ARB2A: variants seen among roughly 807,000 people sequenced by gnomAD.
ARB2A encodes the protein ARB2 cotranscriptional regulator A, also known as cotranscriptional regulator ARB2A.
At chr5:94,109,779 C>T in the ARB2A span, among the ~76,000 whole-genome samples, 61 of 152,236 alleles carry the variant, frequency 4.0e-4, 1 homozygote, top group African/African-American at 1.4e-3. Context: ...CAGATCTCCA[C>T]TCAAGTGTTC....
the ARB2A span, among the ~76,000 whole-genome samples, chr5:94,053,650 TA>T: frequency 2.0e-5 from 3 of 152,228 alleles, no homozygotes; most frequent in African/African-American, 4.8e-5. Context: ...ATTCCATTTT[TA>T]GGGGGAAAAC....
At chr5:93,936,261 T>C in the ARB2A span, among the ~76,000 whole-genome samples, 3 of 152,180 alleles carry the variant, frequency 2.0e-5, no homozygotes, top group Admixed American at 6.5e-5. Context: ...TCTAAGTGGG[T>C]ATATCCTCTC....
At chr5:93,683,833 G>T in the ARB2A span, among the ~76,000 whole-genome samples, 1 of 151,986 alleles carries the variant, frequency 6.6e-6, no homozygotes, top group Non-Finnish European at 1.5e-5. Flanking sequence ...TTTTTTTAAA[G>T]ATATATATTT....
the ARB2A span, chr5:93,863,483 G>A: frequency 2.0e-5 from 3 of 151,810 alleles, no homozygotes; most frequent in Admixed American, 2.0e-4. Context: ...TGCCCAGGCT[G>A]TTCTTGAGCT....
chr5:93,703,395 A>G, the ARB2A span, among the ~76,000 whole-genome samples: 2 of 152,246 alleles, frequency 1.3e-5, no homozygotes, highest in East Asian at 3.8e-4. Flanking sequence ...AACACCCACT[A>G]TAAAGGTAAG....
the ARB2A span, among the ~76,000 whole-genome samples, chr5:93,688,978 C>G: frequency 1.3e-5 from 2 of 152,190 alleles, no homozygotes; most frequent in African/African-American, 4.8e-5. Context: ...AGACTGTTCA[C>G]TGAAAAATTC....
the ARB2A span, among the ~76,000 whole-genome samples, chr5:93,919,786 A>G: frequency 6.6e-6 from 1 of 152,210 alleles, no homozygotes. Flanking sequence ...TGGGAGGGGG[A>G]AAGTAAAAAC....
At chr5:94,091,319 A>T in the ARB2A span, among the ~76,000 whole-genome samples, 1 of 152,206 alleles carries the variant, frequency 6.6e-6, no homozygotes, top group Non-Finnish European at 1.5e-5. Context: ...TCACCATTAC[A>T]ATCACTCACT....
chr5:93,838,778 C>G, the ARB2A span, among the ~76,000 whole-genome samples: 1 of 152,028 alleles, frequency 6.6e-6, no homozygotes, highest in Non-Finnish European at 1.5e-5. Flanking sequence ...TAGTCATATT[C>G]TTAGATATTT....
At chr5:93,839,293 T>C in the ARB2A span, among the ~76,000 whole-genome samples, 1 of 152,196 alleles carries the variant, frequency 6.6e-6, no homozygotes, top group African/African-American at 2.4e-5. Context: ...TCTATTAAGG[T>C]AAGCATGTGG....
chr5:94,050,645 G>T, the ARB2A span: 1 of 926,748 alleles, frequency 1.1e-6, no homozygotes, highest in Non-Finnish European at 1.6e-6. Flanking sequence ...TGTAGAAAGA[G>T]TGCATAAACT....
At chr5:93,942,386 CTTTTAAAATTTAGAATTAGTGATCTTGGT>C in the ARB2A span, among the ~76,000 whole-genome samples, 1 of 151,932 alleles carries the variant, frequency 6.6e-6, no homozygotes, top group African/African-American at 2.4e-5. Flanking sequence ...TCAAAGTTTA[CTTTTAAAATTTAGAATTAGTGATCTTGGT>C]TTCAACTTAT....
the ARB2A span, among the ~76,000 whole-genome samples, chr5:93,949,367 C>A: frequency 6.6e-6 from 1 of 151,872 alleles, no homozygotes; most frequent in Non-Finnish European, 1.5e-5. Context: ...TCAAGACCAT[C>A]CTGGCCAACA....
chr5:93,873,174 C>A, the ARB2A span, among the ~76,000 whole-genome samples: 1 of 151,818 alleles, frequency 6.6e-6, no homozygotes, highest in Non-Finnish European at 1.5e-5. Flanking sequence ...CACCTGTAGT[C>A]CCAGCTACTT....
At chr5:93,738,384 TG>T in the ARB2A span, 1 of 152,520 alleles carries the variant, frequency 6.6e-6, no homozygotes, top group Admixed American at 6.5e-5. Flanking sequence ...GAAAACAGTT[TG>T]GTAGTTTCCC....
At chr5:94,019,083 T>A in the ARB2A span, among the ~76,000 whole-genome samples, 1 of 152,160 alleles carries the variant, frequency 6.6e-6, no homozygotes, top group African/African-American at 2.4e-5. Flanking sequence ...ATTTAATACA[T>A]GGTGTTGGGA....
the ARB2A span, chr5:93,621,229 T>TCCCGCCCCTC: frequency 0.014 from 14,657 of 1,058,176 alleles, 244 homozygotes; most frequent in Non-Finnish European, 0.015. Flanking sequence ...GACCACCCGG[T>TCCCGCCCCTC]CCCGCCCCTC....
At chr5:94,035,474 A>G in the ARB2A span, among the ~76,000 whole-genome samples, 1 of 152,146 alleles carries the variant, frequency 6.6e-6, no homozygotes, top group African/African-American at 2.4e-5. Context: ...CCATATTGAT[A>G]AACTTGTTTC....
chr5:93,836,031 A>AT, the ARB2A span, among the ~76,000 whole-genome samples: 4 of 150,846 alleles, frequency 2.7e-5, no homozygotes, highest in Admixed American at 1.3e-4. Context: ...GAAAGAAAAA[A>AT]TTTTTTTTTT....
Sources: gnomAD v4.1 joint callset for allele counts (sites outside exome capture counted in the v4.1 genomes callset) on GRCh38, gnomAD v4.1.1 for gene constraint, MANE v1.5 for transcripts, NCBI Gene and HGNC (gene_info 2026-07-23, HGNC 2026-07-21) for gene names.